Variants in CNTNAP5 observed in about 807,000 individuals in gnomAD.
The protein encoded by CNTNAP5 is contactin associated protein family member 5, also known as contactin-associated protein-like 5.
In CNTNAP5, 72 loss-of-function variants were observed where a neutral mutation model predicts 150.2. The observed-to-expected ratio is 0.48, with a 90% CI of 0.40 to 0.58. The LOEUF is 0.58. Ranked by LOEUF, CNTNAP5 falls within the 20% of genes least tolerant of loss-of-function variation. CNTNAP5 has a pLI of 0.00. For synonymous variants in CNTNAP5, 672 were observed against 619.8 expected (o/e 1.08, Z -1.25); for missense variants, 1,636 against 1,626.2 (o/e 1.01, Z -0.10).
chr2:124,822,207 C>T (rs1361895030), intron 19 of CNTNAP5, among the ~76,000 whole-genome samples: 4 of 152,126 alleles, frequency 2.6e-5, no homozygotes, highest in African/African-American at 9.7e-5. Flanking sequence ...AATATTAGAA[C>T]CTTACTCCAG....
intron 14 of CNTNAP5, among the ~76,000 whole-genome samples, chr2:124,749,167 A>G (rs1680668292): frequency 6.6e-6 from 1 of 152,188 alleles, no homozygotes; most frequent in South Asian, 2.1e-4. Flanking sequence ...GCCGTAAAAC[A>G]TATTCAAACA....
chr2:124,511,416 T>C (rs1694586502), intron 8 of CNTNAP5, among the ~76,000 whole-genome samples: 1 of 152,232 alleles, frequency 6.6e-6, no homozygotes. Context: ...TTTTTGTTTT[T>C]TGTAGTGCTT....
intron 1 of CNTNAP5, among the ~76,000 whole-genome samples, chr2:124,047,633 G>A (rs765742120): frequency 6.6e-6 from 1 of 152,178 alleles, no homozygotes; most frequent in East Asian, 1.9e-4. Context: ...AGCACTCCAC[G>A]CCTCCTGCGA....
intron 19 of CNTNAP5, among the ~76,000 whole-genome samples, chr2:124,831,343 C>A (rs1045347060): frequency 5.3e-5 from 8 of 151,782 alleles, no homozygotes; most frequent in African/African-American, 1.9e-4. Flanking sequence ...CTCTTACCTT[C>A]CTTACCAAGA....
intron 3 of CNTNAP5, among the ~76,000 whole-genome samples, chr2:124,383,421 T>G (rs1690849996): frequency 6.6e-6 from 1 of 152,194 alleles, no homozygotes; most frequent in Non-Finnish European, 1.5e-5. Context: ...CATTGCAGCC[T>G]GTCTGCACCA....
At chr2:124,702,683 A>G (rs1573557603) in intron 13 of CNTNAP5, among the ~76,000 whole-genome samples, 4 of 152,080 alleles carry the variant, frequency 2.6e-5, no homozygotes, top group African/African-American at 7.2e-5. Context: ...CCCTATATCA[A>G]TTTTGTACAG....
At chr2:124,691,671 GC>G (rs1274864699) in intron 13 of CNTNAP5, among the ~76,000 whole-genome samples, 1 of 152,034 alleles carries the variant, frequency 6.6e-6, no homozygotes, top group Non-Finnish European at 1.5e-5. Flanking sequence ...AACTCAGTCA[GC>G]GTTTCATGGG....
chr2:124,338,844 G>A (rs1467694569), intron 3 of CNTNAP5, among the ~76,000 whole-genome samples: 1 of 152,084 alleles, frequency 6.6e-6, no homozygotes, highest in Non-Finnish European at 1.5e-5. Flanking sequence ...ATTTTTCACT[G>A]AGGTCCAACA....
chr2:124,528,046 C>G, intron 10 of CNTNAP5, among the ~76,000 whole-genome samples: 1 of 152,196 alleles, frequency 6.6e-6, no homozygotes, highest in Admixed American at 6.5e-5. Flanking sequence ...CAAAGACACA[C>G]TGCAGAAAAC....
At chr2:124,232,451 C>G (rs1364005590) in intron 2 of CNTNAP5, among the ~76,000 whole-genome samples, 1 of 151,990 alleles carries the variant, frequency 6.6e-6, no homozygotes, top group Non-Finnish European at 1.5e-5. Context: ...TGGACATGTC[C>G]TTAAAAACAT....
intron 13 of CNTNAP5, among the ~76,000 whole-genome samples, chr2:124,672,884 G>A (rs1678853077): frequency 6.6e-6 from 1 of 151,606 alleles, no homozygotes; most frequent in Non-Finnish European, 1.5e-5. Context: ...AAAGCACAAG[G>A]GATAAACTTA....
chr2:124,029,319 T>A (rs1680978475), intron 1 of CNTNAP5, among the ~76,000 whole-genome samples: 1 of 152,068 alleles, frequency 6.6e-6, no homozygotes, highest in South Asian at 2.1e-4. Flanking sequence ...CACGCTGGTT[T>A]TTTCAGCAGC....
At chr2:124,116,307 C>T (rs1442624379) in intron 1 of CNTNAP5, among the ~76,000 whole-genome samples, 1 of 152,106 alleles carries the variant, frequency 6.6e-6, no homozygotes, top group Non-Finnish European at 1.5e-5. Flanking sequence ...GGTGTGAATC[C>T]TGCTATCACA....
intron 20 of CNTNAP5, among the ~76,000 whole-genome samples, chr2:124,867,145 A>G (rs1028149016): frequency 6.6e-6 from 1 of 152,042 alleles, no homozygotes; most frequent in Non-Finnish European, 1.5e-5. Flanking sequence ...TTCCAGCTCT[A>G]CTGAATGGCT....
Position 124,619,797 on chromosome 2 carries a change from A to G in CNTNAP5, c.1876+9877A>G, listed in dbSNP as rs151227601. 6.4e-4 allele frequency among the ~76,000 whole-genome samples: 95 copies of G among 147,790 alleles called. No individual in the cohort carries two copies. In the East Asian group the frequency reaches 0.014, roughly 21 times the overall value. ...GATTTTGGGCATACTAAACCTTCAT[A>G]ATCCAATTTCCTGAAAATCAATCTC... On this transcript the variant is annotated intron_variant, in intron 12 of 23. Transcript: ENST00000682447.
At chr2:124,656,431 A>C (rs553760075) in intron 13 of CNTNAP5, among the ~76,000 whole-genome samples, 1 of 152,342 alleles carries the variant, frequency 6.6e-6, no homozygotes, top group African/African-American at 2.4e-5. Context: ...TAAAGAGATC[A>C]TCACATGAAT....
At chr2:124,626,000 T>C (rs1405180166) in intron 12 of CNTNAP5, among the ~76,000 whole-genome samples, 3 of 152,148 alleles carry the variant, frequency 2.0e-5, no homozygotes, top group Non-Finnish European at 4.4e-5. Context: ...CTTACCTCAA[T>C]GAGTTGTACA....
chr2:124,758,077 T>C (rs1053375993), intron 14 of CNTNAP5, among the ~76,000 whole-genome samples: 1 of 152,132 alleles, frequency 6.6e-6, no homozygotes, highest in Non-Finnish European at 1.5e-5. Context: ...GGGATCCAGT[T>C]TATGTCACCA....
chr2:124,243,996 C>A (rs1283490952), intron 3 of CNTNAP5, among the ~76,000 whole-genome samples: 1 of 152,038 alleles, frequency 6.6e-6, no homozygotes, highest in Non-Finnish European at 1.5e-5. Context: ...AGGGACAAAT[C>A]GATGTGGGAT....
Sources: allele counts gnomAD v4.1 joint callset (sites outside exome capture counted in the v4.1 genomes callset), GRCh38; gene constraint gnomAD v4.1.1; transcripts MANE v1.5; gene names NCBI Gene and HGNC (gene_info 2026-07-23, HGNC 2026-07-21).